The following ZNF391 variants were observed in gnomAD, a reference collection of about 807,000 sequenced individuals.
ZNF391 encodes the protein zinc finger protein 391.
For synonymous variants in ZNF391, 126 were observed against 142.1 expected (o/e 0.89, Z 0.80); for missense variants, 375 against 425.5 (o/e 0.88, Z 1.04).
intron 1 of ZNF391, 58 bp downstream of exon 1, chr6:27,389,133 C>A (rs1201756651): frequency 2.2e-6 from 1 of 456,632 alleles, no homozygotes. Context: ...AGGAAACGGG[C>A]GAAAGGGTCG....
upstream of ZNF391, among the ~76,000 whole-genome samples, chr6:27,385,823 C>T (rs750327922): frequency 6.6e-6 from 1 of 152,142 alleles, no homozygotes; most frequent in Non-Finnish European, 1.5e-5. Context: ...CAGCAGAATA[C>T]TCTTTCTTCT....
chr6:27,394,791 C>T (rs989016222), intron 1 of ZNF391, among the ~76,000 whole-genome samples: 3 of 152,206 alleles, frequency 2.0e-5, no homozygotes, highest in Admixed American at 2.0e-4. Flanking sequence ...GTGGAACTGC[C>T]CAAGGCCTTG....
upstream of ZNF391, among the ~76,000 whole-genome samples, chr6:27,384,100 A>G (rs907295216): frequency 1.3e-5 from 2 of 152,256 alleles, no homozygotes; most frequent in Admixed American, 1.3e-4. Flanking sequence ...CTTGTCTTGC[A>G]TGAAATGTTA....
At chr6:27,398,108 C>T (rs991010806) in intron 1 of ZNF391, among the ~76,000 whole-genome samples, 2 of 152,298 alleles carry the variant, frequency 1.3e-5, no homozygotes, top group Admixed American at 1.3e-4. Context: ...TGGCACATAT[C>T]CTCCAAGGCT....
At position 27,400,676 on chromosome 6, in the gene ZNF391, T is replaced by C; in HGVS notation, c.306T>C (p.Leu102=). ...CAGACTTAATTAAACACCAAAGACT[T>C]TTCTCACAAAGAAAACCTTGTAAAT... ...DNSDLIKHQR[L]FSQRKPCKCN... Residue 102 remains leucine, a synonymous_variant, in exon 3 of 3, where the codon CTT becomes CTC. Coordinates refer to ENST00000244576, the MANE Select transcript of ZNF391 (RefSeq NM_001076781.3). The C allele has an allele frequency of 6.2e-7, 1 of 1,613,938 alleles. No homozygotes were observed. Among genetic ancestry groups the C allele is most frequent in the African/African-American group, 1.3e-5 (1 of 74,976 alleles).
At position 27,400,953 on chromosome 6, in the gene ZNF391, T is replaced by G. The variant is rs777680376; in HGVS notation, c.583T>G (p.Cys195Gly). The G allele has an allele frequency of 1.2e-6, 2 of 1,614,148 alleles. No homozygotes were observed. The highest frequency in any genetic ancestry group is 3.3e-5 in the Admixed American group (2 of 60,004). The change falls in exon 3 of 3, where the codon TGT (cysteine) becomes GGT (glycine). Residue 195 changes from cysteine (C) to glycine (G), a missense_variant. By Grantham distance (159) the Cys-to-Gly change is radical. Transcript: ENST00000244576. ...CCATACTGGAGAAAAACCATATGAA[T>G]GTAGTGAATGTGGAAAAGCCTTTAG... is the stretch of plus-strand genomic sequence containing the variant. ...RIHTGEKPYE[C>G]SECGKAFSRS...
chr6:27,389,621 C>A (rs1039523896), intron 1 of ZNF391, among the ~76,000 whole-genome samples: 1 of 152,090 alleles, frequency 6.6e-6, no homozygotes, highest in Non-Finnish European at 1.5e-5. Context: ...CTGGCCAATA[C>A]GGTGAAACCC....
At chr6:27,377,074 T>C (rs1355799893) in intron 1 of ZNF391, among the ~76,000 whole-genome samples, 1 of 152,072 alleles carries the variant, frequency 6.6e-6, no homozygotes, top group Admixed American at 6.5e-5. Flanking sequence ...CAGATGGAAC[T>C]GAGAATTAAG....
intron 1 of ZNF391, among the ~76,000 whole-genome samples, chr6:27,394,005 G>C (rs1290813267): frequency 2.6e-5 from 4 of 152,086 alleles, no homozygotes; most frequent in Non-Finnish European, 5.9e-5. Flanking sequence ...GCAAAGAAAT[G>C]ATTTAAAGTT....
chr6:27,401,597 T>C lies in ZNF391; in HGVS notation c.*150T>C, dbSNP rs1761971566. 3.8e-6 allele frequency: 2 copies of C among 532,372 alleles called. No homozygotes were observed. The highest frequency in any genetic ancestry group is 6.2e-6 in the Non-Finnish European group (2 of 320,346). The allele number at this position is 532,372 out of a possible 1,614,324, so 33.0% of individuals were successfully genotyped here. On this transcript the variant is annotated 3_prime_UTR_variant, in exon 3 of 3. Transcript: ENST00000244576. ...TTTAAGCTTTCATTCGTTCTTTCCA[T>C]CCATCTATCCTTCTTTCGTCTCCCC... is the stretch of plus-strand genomic sequence containing the variant.
At chr6:27,389,938 A>ATTGTCT (rs56307706) in intron 1 of ZNF391, among the ~76,000 whole-genome samples, 1 of 151,770 alleles carries the variant, frequency 6.6e-6, no homozygotes, top group Non-Finnish European at 1.5e-5. Flanking sequence ...ACTGTGGATC[A>ATTGTCT]TTGAGTTTGT....
At position 27,391,540 on chromosome 6, in the gene ZNF391, A is replaced by T. The variant is rs1581531279; in HGVS notation, c.-188+2465A>T. 5.4e-5 allele frequency among the ~76,000 whole-genome samples: 4 copies of T among 74,690 alleles called. No individual in the cohort carries two copies. In the East Asian group the frequency reaches 1.2e-3, roughly 22 times the overall value. 49.0% of individuals were successfully genotyped at this position (74,690 alleles called of 152,430 possible). On this transcript the variant is annotated intron_variant, in intron 1 of 2. Coordinates refer to ENST00000244576, the MANE Select transcript of ZNF391 (RefSeq NM_001076781.3). ...GGACATTACTAGACAGAGGTTCTGG[A>T]TGCCTTGGACTATGACCTTTGCCCA...
At position 27,403,676 on chromosome 6, in the gene ZNF391, A is replaced by G. The variant is rs1470271048; in HGVS notation, c.*2229A>G. ...CAGCATAATCTTTTTAGTCTTTTGA[A>G]TGATGAGGTAACCTCATAGGTATTT... On this transcript the variant is annotated 3_prime_UTR_variant, in exon 3 of 3. Transcript: ENST00000244576. 6.6e-6 allele frequency: 1 copy of G among 152,224 alleles called. No homozygotes were observed. Among genetic ancestry groups the G allele is most frequent in the African/African-American group, 2.4e-5 (1 of 41,450 alleles). 9.4% of individuals were successfully genotyped at this position (152,224 alleles called of 1,614,324 possible). A position where few individuals can be genotyped will look rare whatever the true frequency, so the allele number is the denominator to read the frequency against.
rs1047736076 is a variant in ZNF391, at chr6:27,376,004, A to G, written n.523+867A>G. Among the ~76,000 whole-genome samples, 2 of 152,218 alleles carry G rather than the reference A, an allele frequency of 1.3e-5. No homozygotes were observed. Among genetic ancestry groups the G allele is most frequent in the African/African-American group, 4.8e-5 (2 of 41,452 alleles). The stretch of plus-strand genomic sequence containing the variant: ...CCTATGTAAATGGAGAGGATGAAGT[A>G]AAGTTACAAAGTCATTTATGGTGTA... On this transcript the variant is annotated intron_variant and non_coding_transcript_variant, in intron 1 of 2. Coordinates refer to the ZNF391 transcript ENST00000477999. The surrounding 1 kb of genome is among the most constrained non-coding windows in gnomAD (Gnocchi z 4.7).
At chr6:27,387,442 A>T (rs565606936), upstream of ZNF391, among the ~76,000 whole-genome samples, 1 of 151,924 alleles carries the variant, frequency 6.6e-6, no homozygotes, top group East Asian at 1.9e-4. Context: ...AAAAGGCAGG[A>T]ACCACCCAAG....
chr6:27,380,996 T>G (rs1363708418), intron 1 of ZNF391, among the ~76,000 whole-genome samples: 1 of 152,276 alleles, frequency 6.6e-6, no homozygotes, highest in Non-Finnish European at 1.5e-5. Flanking sequence ...GGGGCCCAGC[T>G]GGCTTCATCC....
At chr6:27,393,477 A>C (rs1761760367) in intron 1 of ZNF391, among the ~76,000 whole-genome samples, 1 of 152,222 alleles carries the variant, frequency 6.6e-6, no homozygotes, top group South Asian at 2.1e-4. Context: ...CAGCCTGAAG[A>C]ACTGTGAGCC....
Position 27,400,300 on chromosome 6 carries a change from G to A in ZNF391, c.-71G>A. 7 of 1,216,238 alleles carry A rather than the reference G, an allele frequency of 5.8e-6. No individual in the cohort carries two copies. Among genetic ancestry groups the A allele is most frequent in the Non-Finnish European group, 4.6e-6 (4 of 861,444 alleles). The allele number at this position is 1,216,238 out of a possible 1,614,324, so 75.3% of individuals were successfully genotyped here. The stretch of plus-strand genomic sequence containing the variant: ...ACTTTAAATGTCTTTCAGATAGGGG[G>A]ATTTGAGCTGAACCAAAGCATCAAC... On this transcript the variant is annotated 5_prime_UTR_variant, in exon 3 of 3. Transcript: ENST00000244576.
chr6:27,400,822 AC>A lies in ZNF391; in HGVS notation c.454del (p.Ile153LeufsTer84), dbSNP rs1761938578. On this transcript the variant is annotated frameshift_variant, in exon 3 of 3. Coordinates refer to ENST00000244576, the MANE Select transcript of ZNF391 (RefSeq NM_001076781.3). LOFTEE classifies it low-confidence loss of function (END_TRUNC). ...GGGAAATCTTTCAGCCGAAGTACAC[AC>A]CTTATTGAACATCAAAGAACTCACA... Reference protein sequence around the residue: ...KCGKSFSRSTHLIEHQRTHTG... With the variant: ...KCGKSFSRSTXLIEHQRTHTG... 6.2e-7 allele frequency: 1 copy of A among 1,614,084 alleles called. No individual in the cohort carries two copies. Among genetic ancestry groups the A allele is most frequent in the African/African-American group, 1.3e-5 (1 of 74,934 alleles).
Sources: gnomAD v4.1 joint callset for allele counts (sites outside exome capture counted in the v4.1 genomes callset) on GRCh38, gnomAD v4.1.1 for gene constraint, Gnocchi (gnomAD v3.1) non-coding constraint, MANE v1.5 for transcripts, NCBI Gene and HGNC (gene_info 2026-07-23, HGNC 2026-07-21) for gene names.